The following CACNA2D2 variants were observed in gnomAD, a reference collection of about 807,000 sequenced individuals.
The protein encoded by CACNA2D2 is voltage-dependent calcium channel subunit alpha-2/delta-2.
A neutral mutation model predicts 166.4 loss-of-function variants in CACNA2D2; 48 were observed. That is an observed-to-expected ratio of 0.29 (90% CI 0.23 to 0.37). The LOEUF is 0.37. CACNA2D2 is among the 10% of genes least tolerant of loss of function. The pLI is 1.00. For missense variants in CACNA2D2, 1,122 were observed against 1,433.0 expected (o/e 0.78, Z 3.50); for synonymous variants, 561 against 573.7 (o/e 0.98, Z 0.32).
chr3:50,388,976 G>A (rs1054142309), intron 4 of CACNA2D2, among the ~76,000 whole-genome samples: 1 of 152,252 alleles, frequency 6.6e-6, no homozygotes, highest in Non-Finnish European at 1.5e-5. Context: ...ATCCCAGGGC[G>A]CCTGCCGTGT....
rs1328832148 is a variant in CACNA2D2 at position 50,379,026 on chromosome 3, C to A, written c.1261-33G>T. On this transcript the variant is annotated intron_variant, in intron 12 of 37. Transcript: ENST00000424201. This position sits in a 1 kb window ranked among gnomAD's most constrained non-coding sequence, Gnocchi z 6.5. Reference sequence around the variant, plus strand: ...GGGTTTGAGGTTACTGCTGTGGCCACCAGGGGACAGCCCTCTTCTGTACTG... The same window carrying A: ...GGGTTTGAGGTTACTGCTGTGGCCAACAGGGGACAGCCCTCTTCTGTACTG... 2 of 1,613,070 alleles carry A rather than the reference C, an allele frequency of 1.2e-6. No homozygotes were observed. The highest frequency in any genetic ancestry group is 1.7e-6 in the Non-Finnish European group (2 of 1,179,248).
chr3:50,422,772 C>T (rs747031645), intron 3 of CACNA2D2, among the ~76,000 whole-genome samples: 6 of 152,332 alleles, frequency 3.9e-5, no homozygotes, highest in East Asian at 1.9e-4. Context: ...TCTCGCCTGG[C>T]GCTTCTCCCT....
intron 4 of CACNA2D2, among the ~76,000 whole-genome samples, chr3:50,389,326 A>G (rs1559901707): frequency 6.6e-6 from 1 of 152,250 alleles, no homozygotes; most frequent in African/African-American, 2.4e-5. Flanking sequence ...AGGGGGAAAA[A>G]ATATCAATTC....
rs1195956578 is a variant in CACNA2D2, at chr3:50,378,967, C to T, written c.1287G>A (p.Gly429=). Residue 429 remains glycine (G), a synonymous_variant, in exon 13 of 38, where the codon GGG becomes GGA. Coordinates refer to ENST00000424201, the MANE Select transcript of CACNA2D2 (RefSeq NM_006030.4). Reference sequence around the variant, plus strand: ...GCGGTGTGACGTCATAGTTATGCTGCCCCACGGAGAAAGTAAACACGCGCA... The same window carrying T: ...GCGGTGTGACGTCATAGTTATGCTGTCCCACGGAGAAAGTAAACACGCGCA... ...RTVRVFTFSV[G]QHNYDVTPLQ... 4 of 1,613,782 alleles carry T rather than the reference C, an allele frequency of 2.5e-6. No homozygotes were observed. Among genetic ancestry groups the T allele is most frequent in the East Asian group, 4.5e-5 (2 of 44,900 alleles).
chr3:50,498,410 C>T (rs1560009978), intron 1 of CACNA2D2, among the ~76,000 whole-genome samples: 1 of 152,158 alleles, frequency 6.6e-6, no homozygotes, highest in African/African-American at 2.4e-5. Flanking sequence ...CAACCCCCAG[C>T]CCCACCCCCA....
chr3:50,377,727 C>T lies in CACNA2D2; in HGVS notation c.1551+5G>A, dbSNP rs766412890. On this transcript the variant is annotated splice_donor_5th_base_variant and intron_variant, in intron 16 of 37. Coordinates refer to ENST00000424201, the MANE Select transcript of CACNA2D2 (RefSeq NM_006030.4). ...CCCATAGCCCCAACCCTCCCCTTTC[C>T]TCACCTTCTTTTCCCCAGGGCCATC... 2 of 1,610,860 alleles carry T rather than the reference C, an allele frequency of 1.2e-6. No homozygotes were observed. The highest frequency in any genetic ancestry group is 1.3e-5 in the African/African-American group (1 of 74,900).
intron 3 of CACNA2D2, among the ~76,000 whole-genome samples, chr3:50,408,035 C>G (rs567687705): frequency 6.6e-6 from 1 of 152,178 alleles, no homozygotes; most frequent in Non-Finnish European, 1.5e-5. Context: ...ATTTCATTAT[C>G]TGCACCTTGC....
At chr3:50,470,780 TG>T (rs1396809586) in intron 2 of CACNA2D2, among the ~76,000 whole-genome samples, 2 of 149,574 alleles carry the variant, frequency 1.3e-5, no homozygotes, top group South Asian at 4.3e-4. Flanking sequence ...CAGGCCGGGT[TG>T]GGGGGGACAC....
chr3:50,493,204 C>T (rs1267693821), intron 1 of CACNA2D2, among the ~76,000 whole-genome samples: 2 of 152,190 alleles, frequency 1.3e-5, no homozygotes, highest in Non-Finnish European at 2.9e-5. Context: ...TCCCTGCCTT[C>T]TGCAGAATCT....
intron 1 of CACNA2D2, among the ~76,000 whole-genome samples, chr3:50,483,746 C>G (rs2027854): frequency 0.16 from 24,956 of 152,182 alleles, 3,128 homozygotes; most frequent in East Asian, 0.61. Flanking sequence ...GAGTGGTAGC[C>G]TGAGGCCTCC....
At position 50,374,746 on chromosome 3, in the gene CACNA2D2, G is replaced by A; in HGVS notation, c.1975C>T (p.Gln659Ter). 1.3e-6 allele frequency: 2 copies of A among 1,594,610 alleles called. No homozygotes were observed. Among genetic ancestry groups the A allele is most frequent in the Non-Finnish European group, 1.7e-6 (2 of 1,170,966 alleles). ...GGGCCGGGCCACTTACACTTGACCT[G>A]CAGGATCTGGTCACTGAGATTGGCT... Reference protein sequence around the residue: ...LQANLSDQILQVKYFEFLLPS... With the variant: ...LQANLSDQIL Residue 659 changes from glutamine to a stop codon, truncating the protein, a stop_gained, in exon 22 of 38, where the codon CAG (glutamine) becomes TAG (stop). Transcript: ENST00000424201. LOFTEE classifies it high-confidence loss of function.
rs569857387 is a variant in CACNA2D2, at chr3:50,410,047, G to A, written c.406-15879C>T. On this transcript the variant is annotated intron_variant, in intron 3 of 37. Coordinates refer to ENST00000424201, the MANE Select transcript of CACNA2D2 (RefSeq NM_006030.4). ...TACACTCCCCAAGGCCACCCAGCGA[G>A]CTCTGGCCCCCAAGAACCCTCTTCT... Among the ~76,000 whole-genome samples the A allele has an allele frequency of 2.0e-5, 3 of 152,334 alleles. No individual in the cohort carries two copies. The East Asian group carries it at 5.8e-4, about 29-fold the overall frequency.
Position 50,380,989 on chromosome 3 carries a change from A to G in CACNA2D2, c.784+6T>C. On this transcript the variant is annotated splice_donor_region_variant and intron_variant, in intron 7 of 37. Coordinates refer to ENST00000424201, the MANE Select transcript of CACNA2D2 (RefSeq NM_006030.4). The surrounding 1 kb of genome is among the most constrained non-coding windows in gnomAD (Gnocchi z 4.9). Reference sequence around the variant, plus strand: ...GGGTAGACAGGGGACAGGGGCTGGTACCTACCCGGGTAGTAGCGAGTGACT... The same window carrying G: ...GGGTAGACAGGGGACAGGGGCTGGTGCCTACCCGGGTAGTAGCGAGTGACT... The G allele has an allele frequency of 1.9e-6, 3 of 1,613,600 alleles. No homozygotes were observed. The highest frequency in any genetic ancestry group is 2.5e-6 in the Non-Finnish European group (3 of 1,179,672).
rs1398719863 is a variant in CACNA2D2, at chr3:50,366,005, A to T, written c.2862+6T>A. The T allele has an allele frequency of 3.7e-6, 6 of 1,611,414 alleles. No individual in the cohort carries two copies. The highest frequency in any genetic ancestry group is 5.1e-6 in the Non-Finnish European group (6 of 1,179,184). ...ATCTCCAGTCCAGGCATCTCTGGGGACTCACCACAAAGACACCCCGGGGTG... is the reference window on the plus strand; with the variant it reads ...ATCTCCAGTCCAGGCATCTCTGGGGTCTCACCACAAAGACACCCCGGGGTG... On this transcript the variant is annotated splice_donor_region_variant and intron_variant, in intron 32 of 37. Coordinates refer to ENST00000424201, the MANE Select transcript of CACNA2D2 (RefSeq NM_006030.4). The surrounding 1 kb of genome is among the most constrained non-coding windows in gnomAD (Gnocchi z 5.9).
intron 1 of CACNA2D2, among the ~76,000 whole-genome samples, chr3:50,480,820 T>G (rs1302216792): frequency 2.9e-4 from 3 of 10,472 alleles, no homozygotes; most frequent in Non-Finnish European, 3.5e-4. Flanking sequence ...AGGGGGAGGG[T>G]AAAGAGGAAG....
At chr3:50,415,541 T>C (rs1166973886) in intron 3 of CACNA2D2, among the ~76,000 whole-genome samples, 1 of 152,232 alleles carries the variant, frequency 6.6e-6, no homozygotes, top group Non-Finnish European at 1.5e-5. Flanking sequence ...GCCCTGGTCC[T>C]GCCCAGACCC....
At chr3:50,413,568 T>C (rs1405533256) in intron 3 of CACNA2D2, among the ~76,000 whole-genome samples, 1 of 152,092 alleles carries the variant, frequency 6.6e-6, no homozygotes, top group African/African-American at 2.4e-5. Context: ...CTAGGCTGGC[T>C]GAGCATGGTG....
intron 2 of CACNA2D2, among the ~76,000 whole-genome samples, chr3:50,445,621 A>T (rs1708808594): frequency 6.6e-6 from 1 of 152,224 alleles, no homozygotes. Context: ...CAAGACACTA[A>T]GGCTGTGTAT....
At chr3:50,429,143 T>C (rs1286712822) in intron 3 of CACNA2D2, among the ~76,000 whole-genome samples, 5 of 152,048 alleles carry the variant, frequency 3.3e-5, no homozygotes, top group Non-Finnish European at 7.4e-5. Context: ...GGCATGAGAA[T>C]TGCTTGAACT....
Sources: allele counts gnomAD v4.1 joint callset (sites outside exome capture counted in the v4.1 genomes callset), GRCh38; gene constraint gnomAD v4.1.1; non-coding constraint Gnocchi (gnomAD v3.1); transcripts MANE v1.5; gene names NCBI Gene and HGNC (gene_info 2026-07-23, HGNC 2026-07-21).